Variants in CHAF1A observed in about 807,000 individuals in gnomAD.
CHAF1A encodes chromatin assembly factor 1 subunit A.
In CHAF1A, 5 loss-of-function variants were observed where a neutral mutation model predicts 93.2. That is an observed-to-expected ratio of 0.05 (90% confidence interval 0.03 to 0.11). CHAF1A has a LOEUF of 0.11. CHAF1A is among the 10% of genes least tolerant of loss of function. The pLI is 1.00. For synonymous variants in CHAF1A, 504 were observed against 510.3 expected (o/e 0.99, Z 0.17); for missense variants, 1,102 against 1,259.9 (o/e 0.87, Z 1.90).
chr19:4,409,759 A>G lies in CHAF1A; in HGVS notation c.960A>G (p.Arg320=), dbSNP rs2230636. ...TCCCCACCTCCACGCCCCTCCGCAG[A>G]GTGAGTATCTCCCATGGAGTCCCTG... ...SPFPTSTPLR[R]ITKKFVKGST... Residue 320 remains arginine, a splice_region_variant and synonymous_variant, in exon 3 of 15, where the codon AGA becomes AGG. Transcript: ENST00000301280. The G allele has an allele frequency of 0.23, 363,348 of 1,603,314 alleles. 44,070 individuals are homozygous for G. Among genetic ancestry groups the G allele is most frequent in the Non-Finnish European group, 0.25 (293,295 of 1,172,624 alleles).
chr19:4,425,724 G>A (rs116398002), intron 7 of CHAF1A, among the ~76,000 whole-genome samples: 108 of 152,208 alleles, frequency 7.1e-4, no homozygotes, highest in African/African-American at 2.3e-3. Flanking sequence ...CATTCCTCTG[G>A]GACAGCCAAG....
Position 4,422,894 on chromosome 19 carries a change from G to T in CHAF1A, c.1247+99G>T. On this transcript the variant is annotated intron_variant, in intron 5 of 14. Coordinates refer to ENST00000301280, the MANE Select transcript of CHAF1A (RefSeq NM_005483.3). This position sits in a 1 kb window ranked among gnomAD's most constrained non-coding sequence, Gnocchi z 4.6. Reference sequence around the variant, plus strand: ...CCTTTCCACTTCACAGGCAGATGGCGGCTCCCTTCAGTTCCTTCCCATTTC... The same window carrying T: ...CCTTTCCACTTCACAGGCAGATGGCTGCTCCCTTCAGTTCCTTCCCATTTC... The T allele has an allele frequency of 8.7e-7, 1 of 1,153,594 alleles. No homozygotes were observed. Among genetic ancestry groups the T allele is most frequent in the East Asian group, 2.5e-5 (1 of 40,762 alleles). 71.5% of individuals were successfully genotyped at this position (1,153,594 alleles called of 1,614,324 possible).
rs939486618 is a variant in CHAF1A, at chr19:4,443,252, G to A, written c.*227G>A. The A allele has an allele frequency of 1.9e-6, 1 of 521,372 alleles. No homozygotes were observed. 32.3% of individuals were successfully genotyped at this position (521,372 alleles called of 1,614,324 possible). A position where few individuals can be genotyped will look rare whatever the true frequency, so the allele number is the denominator to read the frequency against. On this transcript the variant is annotated 3_prime_UTR_variant, in exon 15 of 15. Transcript: ENST00000301280. The stretch of plus-strand genomic sequence containing the variant: ...TAATAAAGCATTATTGAGATTGCTG[G>A]CCTATTGGGGAAGCCTGCGGGCACA...
At chr19:4,435,386 T>A (rs927323633) in intron 13 of CHAF1A, among the ~76,000 whole-genome samples, 1 of 152,018 alleles carries the variant, frequency 6.6e-6, no homozygotes, top group Non-Finnish European at 1.5e-5. Context: ...CCTGGCCTTT[T>A]TTTGAGTCAG....
At chr19:4,445,648 C>T, downstream of CHAF1A, 1 of 1,603,638 alleles carries the variant, frequency 6.2e-7, no homozygotes, top group Non-Finnish European at 8.5e-7. Context: ...GGCCGTCACT[C>T]TGAGACCGAG....
chr19:4,446,156 AC>A, downstream of CHAF1A: 1 of 1,609,916 alleles, frequency 6.2e-7, no homozygotes, highest in Admixed American at 1.7e-5. Flanking sequence ...TCCCGGACGA[AC>A]CCGTACACCG....
downstream of CHAF1A, chr19:4,445,534 T>C: frequency 1.2e-6 from 2 of 1,613,730 alleles, no homozygotes; most frequent in Non-Finnish European, 1.7e-6. Context: ...GGAGCTCGGG[T>C]TTCAGGATGG....
chr19:4,442,122 G>A, intron 13 of CHAF1A, 123 bp from the exon 14 acceptor site: 1 of 742,210 alleles, frequency 1.3e-6, no homozygotes, highest in Non-Finnish European at 2.4e-6. Context: ...TCTGGATGTT[G>A]GTTTCCTTCC....
chr19:4,428,947 T>C (rs1974132336), intron 8 of CHAF1A, 57 bp downstream of exon 8: 5 of 1,474,110 alleles, frequency 3.4e-6, no homozygotes, highest in African/African-American at 1.4e-5. Flanking sequence ...GCCAGCATCC[T>C]GAACCCTGGG....
At chr19:4,445,715 C>T (rs576317051), downstream of CHAF1A, 1,435 of 1,539,198 alleles carry the variant, frequency 9.3e-4, no homozygotes, top group Non-Finnish European at 1.2e-3. Context: ...GGGGATGCCC[C>T]GGCCTGGAAG....
Position 4,428,749 on chromosome 19 carries a change from A to G in CHAF1A, c.1463A>G (p.His488Arg). Residue 488 changes from histidine to arginine, a missense_variant, in exon 8 of 15, where the codon CAT becomes CGT. By Grantham distance (29) the His-to-Arg change is conservative (BLOSUM62 0). Around this residue, in one of 6 missense-constraint regions of CHAF1A, gnomAD observed 165 missense variants for 243.9 expected, o/e 0.68. Transcript: ENST00000301280. ...GCCCCTCGGCGTCGGACCGCTTTCC[A>G]TCCAGACCTCTGCAGTCAGCTGGAC... ...VLAPRRRTAF[H>R]PDLCSQLDQL... The G allele has an allele frequency of 6.2e-7, 1 of 1,614,166 alleles. No homozygotes were observed. Among genetic ancestry groups the G allele is most frequent in the African/African-American group, 1.3e-5 (1 of 75,056 alleles).
At chr19:4,430,775 A>G in intron 11 of CHAF1A, 134 bp downstream of exon 11, 1 of 874,264 alleles carries the variant, frequency 1.1e-6, no homozygotes, top group Non-Finnish European at 1.8e-6. Context: ...CCAAGCACGC[A>G]AGCTCACTCG....
downstream of CHAF1A, chr19:4,446,652 G>C (rs759855616): frequency 1.2e-6 from 2 of 1,612,444 alleles, no homozygotes; most frequent in Admixed American, 3.3e-5. Context: ...GCTGTTCCTT[G>C]TGCCTCTCCA....
intron 3 of CHAF1A, 102 bp downstream of exon 3, chr19:4,409,861 G>A: frequency 6.6e-6 from 9 of 1,361,416 alleles, no homozygotes; most frequent in Non-Finnish European, 9.0e-6. Context: ...AGAGTGAGCG[G>A]GGCCACGGGC....
downstream of CHAF1A, chr19:4,446,620 C>T (rs200047802): frequency 2.1e-4 from 335 of 1,612,524 alleles, 4 homozygotes; most frequent in South Asian, 2.3e-3. Flanking sequence ...CAGCTTGGCG[C>T]GCACGGGCTC....
At position 4,433,160 on chromosome 19, in the gene CHAF1A, T is replaced by A; in HGVS notation, c.2294T>A (p.Leu765Gln). 6.2e-7 allele frequency: 1 copy of A among 1,613,686 alleles called. No individual in the cohort carries two copies. ...REFQEHCRRGLLSNHTGSPRS... is the reference protein window; with the variant it reads ...REFQEHCRRGQLSNHTGSPRS... ...TTCCAGGAGCACTGCCGCCGGGGAC[T>A]GCTCAGCAACCACACCGGCAGCCCG... Residue 765 changes from leucine (L) to glutamine (Q), a missense_variant, in exon 13 of 15, where the codon CTG becomes CAG. Physicochemically the swap from Leu to Gln is moderately radical, Grantham distance 113. Coordinates refer to ENST00000301280, the MANE Select transcript of CHAF1A (RefSeq NM_005483.3). The surrounding 1 kb of genome is among the most constrained non-coding windows in gnomAD (Gnocchi z 5.6).
At chr19:4,425,004 C>T (rs1974055951) in intron 7 of CHAF1A, among the ~76,000 whole-genome samples, 1 of 152,064 alleles carries the variant, frequency 6.6e-6, no homozygotes, top group African/African-American at 2.4e-5. Context: ...GACGACCTGG[C>T]TTCAAATGAT....
downstream of CHAF1A, chr19:4,445,530 C>T (rs138129036): frequency 4.3e-5 from 69 of 1,613,818 alleles, no homozygotes; most frequent in East Asian, 4.2e-4. Context: ...GACAGGAGCT[C>T]GGGTTTCAGG....
chr19:4,422,234 G>A lies in CHAF1A; in HGVS notation c.1018-332G>A, dbSNP rs549806901. Among the ~76,000 whole-genome samples the A allele has an allele frequency of 2.6e-5, 4 of 151,760 alleles. No homozygotes were observed. The highest frequency in any genetic ancestry group is 2.1e-4 in the South Asian group (1 of 4,800). ...TCACCATCTTGGCCAGGCTGGTCTCGAACTCCTGACCTCAGGTGATCCACT... is the reference window on the plus strand; with the variant it reads ...TCACCATCTTGGCCAGGCTGGTCTCAAACTCCTGACCTCAGGTGATCCACT... On this transcript the variant is annotated intron_variant, in intron 4 of 14. Coordinates refer to ENST00000301280, the MANE Select transcript of CHAF1A (RefSeq NM_005483.3). The surrounding 1 kb of genome is among the most constrained non-coding windows in gnomAD (Gnocchi z 4.6).
Sources: allele counts gnomAD v4.1 joint callset (sites outside exome capture counted in the v4.1 genomes callset), GRCh38; gene constraint gnomAD v4.1.1; regional missense constraint gnomAD v4.1.1; non-coding constraint Gnocchi (gnomAD v3.1); transcripts MANE v1.5; gene names NCBI Gene and HGNC (gene_info 2026-07-23, HGNC 2026-07-21).